Variants in GALNT13 observed in about 807,000 individuals in gnomAD.
GALNT13 encodes the protein UDP-GalNAc:polypeptide N-acetylgalactosaminyltransferase 13.
In GALNT13, 28 loss-of-function variants were observed where a neutral mutation model predicts 64.2. The observed-to-expected ratio is 0.44, with a 90% confidence interval of 0.32 to 0.60. The LOEUF (loss-of-function observed/expected upper bound fraction) is 0.60, where lower values mean the gene tolerates loss of function less well. GALNT13 is among the 20% of genes least tolerant of loss of function. The pLI, the probability that GALNT13 is intolerant of heterozygous loss-of-function variation, is 0.05. For synonymous variants in GALNT13, 214 were observed against 224.6 expected (o/e 0.95, Z 0.42); for missense variants, 577 against 669.8 (o/e 0.86, Z 1.53).
chr2:153,404,414 A>T, the GALNT13 span, among the ~76,000 whole-genome samples: 1 of 152,200 alleles, frequency 6.6e-6, no homozygotes, highest in Non-Finnish European at 1.5e-5. Flanking sequence ...GACTTTTATT[A>T]TGTGACAAGT....
the GALNT13 span, among the ~76,000 whole-genome samples, chr2:153,784,474 GA>G: frequency 1.3e-5 from 2 of 152,124 alleles, no homozygotes; most frequent in East Asian, 3.9e-4. Flanking sequence ...TGATGCAATA[GA>G]AAAGAAAAAC....
At chr2:153,797,804 T>C in the GALNT13 span, among the ~76,000 whole-genome samples, 1 of 152,190 alleles carries the variant, frequency 6.6e-6, no homozygotes, top group Non-Finnish European at 1.5e-5. Context: ...TCACACTCCA[T>C]GCTATTGCTG....
the GALNT13 span, among the ~76,000 whole-genome samples, chr2:153,866,873 G>A: frequency 4.6e-5 from 7 of 152,248 alleles, no homozygotes; most frequent in South Asian, 1.4e-3. Flanking sequence ...AGGTGAGAAA[G>A]ATTGTAAACA....
the GALNT13 span, among the ~76,000 whole-genome samples, chr2:153,291,963 G>C: frequency 3.3e-5 from 5 of 152,204 alleles, no homozygotes; most frequent in South Asian, 1.0e-3. Flanking sequence ...TCCCCAAAAG[G>C]AGATGTATGA....
chr2:153,335,049 C>T, the GALNT13 span, among the ~76,000 whole-genome samples: 501 of 152,254 alleles, frequency 3.3e-3, 17 homozygotes, highest in East Asian at 0.082. Flanking sequence ...CAGGGGTTTC[C>T]GCTTTTGCTT....
Position 153,974,980 on chromosome 2 carries a change from G to A in GALNT13, c.142+30341G>A, listed in dbSNP as rs1162775443. Among the ~76,000 whole-genome samples, 7 of 151,986 alleles carry A rather than the reference G, an allele frequency of 4.6e-5. No homozygotes were observed. The East Asian group carries it at 9.6e-4, about 21-fold the overall frequency. ...TCTTGATTAGTGTATTATATGGGTA[G>A]CATCATTAGAAAGAATGGAAATTAT... On this transcript the variant is annotated intron_variant, in intron 3 of 12. Coordinates refer to ENST00000392825, the MANE Select transcript of GALNT13 (RefSeq NM_052917.4).
chr2:154,449,646 G>T (rs528399642), intron 12 of GALNT13, among the ~76,000 whole-genome samples: 1 of 151,504 alleles, frequency 6.6e-6, no homozygotes, highest in Non-Finnish European at 1.5e-5. Flanking sequence ...AAATCATGTT[G>T]ATTTAAAATG....
chr2:153,226,366 A>C, the GALNT13 span, among the ~76,000 whole-genome samples: 1 of 152,246 alleles, frequency 6.6e-6, no homozygotes, highest in Non-Finnish European at 1.5e-5. Context: ...TAGGTTATAC[A>C]TGGTGACTTC....
At chr2:153,431,678 C>T in the GALNT13 span, among the ~76,000 whole-genome samples, 1 of 152,160 alleles carries the variant, frequency 6.6e-6, no homozygotes, top group Admixed American at 6.6e-5. Flanking sequence ...GGATTGGAGG[C>T]CATTCTCCAG....
At chr2:153,093,803 T>C in the GALNT13 span, among the ~76,000 whole-genome samples, 2 of 152,162 alleles carry the variant, frequency 1.3e-5, no homozygotes, top group Admixed American at 6.6e-5. Flanking sequence ...AAGCATCAGG[T>C]CCTGGGCCTT....
At chr2:153,862,893 CTTTA>C in the GALNT13 span, among the ~76,000 whole-genome samples, 1 of 151,996 alleles carries the variant, frequency 6.6e-6, no homozygotes, top group Non-Finnish European at 1.5e-5. Flanking sequence ...AAGAATATCC[CTTTA>C]TTTAGTTAGC....
chr2:153,960,982 T>C (rs1212508971), intron 3 of GALNT13, among the ~76,000 whole-genome samples: 1 of 152,150 alleles, frequency 6.6e-6, no homozygotes, highest in Non-Finnish European at 1.5e-5. Context: ...CCTGTAAAAT[T>C]GAGTTTAGAT....
At chr2:153,248,363 C>T in the GALNT13 span, among the ~76,000 whole-genome samples, 1 of 152,114 alleles carries the variant, frequency 6.6e-6, no homozygotes, top group African/African-American at 2.4e-5. Flanking sequence ...GCTTATCCAC[C>T]ACGATCAAGT....
the GALNT13 span, among the ~76,000 whole-genome samples, chr2:153,290,346 T>C: frequency 1.3e-5 from 2 of 152,190 alleles, no homozygotes; most frequent in Non-Finnish European, 2.9e-5. Context: ...GAAAGCATTA[T>C]TGAAAATTAA....
the GALNT13 span, among the ~76,000 whole-genome samples, chr2:153,560,156 T>C: frequency 1.3e-5 from 2 of 152,020 alleles, no homozygotes; most frequent in African/African-American, 4.8e-5. Context: ...ACTGTCCCTT[T>C]AGTGGGAAAT....
chr2:153,225,182 A>G, the GALNT13 span, among the ~76,000 whole-genome samples: 64 of 152,346 alleles, frequency 4.2e-4, no homozygotes, highest in African/African-American at 1.5e-3. Context: ...TTAAGCTTCA[A>G]AAATCAATAT....
chr2:154,147,174 C>T (rs892285393), intron 4 of GALNT13, among the ~76,000 whole-genome samples: 1 of 151,922 alleles, frequency 6.6e-6, no homozygotes, highest in Admixed American at 6.6e-5. Flanking sequence ...AGGAACTCCA[C>T]ATTTCTCCAG....
the GALNT13 span, among the ~76,000 whole-genome samples, chr2:153,612,723 A>T: frequency 5.3e-5 from 8 of 152,272 alleles, no homozygotes; most frequent in East Asian, 1.4e-3. Flanking sequence ...AGTAAAAATG[A>T]TCTTTTAGAA....
the GALNT13 span, among the ~76,000 whole-genome samples, chr2:153,557,261 G>A: frequency 1.3e-5 from 2 of 152,184 alleles, no homozygotes; most frequent in African/African-American, 4.8e-5. Context: ...CCTAGGAGCA[G>A]CAGGCCATAC....
Sources: gnomAD v4.1 joint callset for allele counts (sites outside exome capture counted in the v4.1 genomes callset) on GRCh38, gnomAD v4.1.1 for gene constraint, MANE v1.5 for transcripts, NCBI Gene and HGNC (gene_info 2026-07-23, HGNC 2026-07-21) for gene names.